Variants in ZFHX4 observed in about 807,000 individuals in gnomAD.
The protein encoded by ZFHX4 is zinc finger homeobox protein 4.
ZFHX4 carries 56 observed loss-of-function variants against 267.6 expected under a neutral mutation model. That is an observed-to-expected ratio of 0.21 (90% confidence interval 0.17 to 0.26). The LOEUF (loss-of-function observed/expected upper bound fraction) is 0.26. Among genes scored for constraint, ZFHX4 ranks in the 10% least tolerant of loss-of-function variants. The pLI is 1.00. For synonymous variants in ZFHX4, 1,778 were observed against 1,665.6 expected (o/e 1.07, Z -1.64); for missense variants, 4,332 against 4,420.0 (o/e 0.98, Z 0.56).
chr8:76,849,634 C>A lies in ZFHX4; in HGVS notation c.3768C>A (p.Ser1256Arg). 6.2e-7 allele frequency: 1 copy of A among 1,613,928 alleles called. No individual in the cohort carries two copies. Among genetic ancestry groups the A allele is most frequent in the Non-Finnish European group, 8.5e-7 (1 of 1,179,866 alleles). ...GTCCTCTCTGTCAGGACGTCCTCAG[C>A]AACAAAATGCATCTCCAACTGCATC... ...ICCPLCQDVLSNKMHLQLHLT... is the reference protein window; with the variant it reads ...ICCPLCQDVLRNKMHLQLHLT... The change falls in exon 8 of 11, where the codon AGC becomes AGA. Residue 1256 changes from serine to arginine, a missense_variant. By Grantham distance (110) the Ser-to-Arg change is moderately radical. Transcript: ENST00000651372.
chr8:76,858,698 G>A (rs566741026), intron 10 of ZFHX4, among the ~76,000 whole-genome samples: 31 of 152,202 alleles, frequency 2.0e-4, no homozygotes, highest in African/African-American at 6.5e-4. Context: ...ATTTTCTACT[G>A]TATTATCTGT....
intron 3 of ZFHX4, among the ~76,000 whole-genome samples, chr8:76,735,451 A>AT (rs1229385779): frequency 6.6e-6 from 1 of 152,064 alleles, no homozygotes; most frequent in Non-Finnish European, 1.5e-5. Flanking sequence ...AATTAGCAAT[A>AT]TTTTTTTGAT....
At chr8:76,811,227 G>T (rs141483428) in intron 4 of ZFHX4, among the ~76,000 whole-genome samples, 4 of 152,306 alleles carry the variant, frequency 2.6e-5, no homozygotes, top group Admixed American at 1.3e-4. Flanking sequence ...CCTCTGTGAG[G>T]AGAGTAGTCC....
At chr8:76,701,623 C>A (rs1808105710) in intron 1 of ZFHX4, among the ~76,000 whole-genome samples, 1 of 152,088 alleles carries the variant, frequency 6.6e-6, no homozygotes, top group Non-Finnish European at 1.5e-5. Context: ...TTATGCAATT[C>A]ATTTGAGTTG....
At chr8:76,699,736 A>C (rs1808052568) in intron 1 of ZFHX4, among the ~76,000 whole-genome samples, 1 of 150,446 alleles carries the variant, frequency 6.6e-6, no homozygotes, top group African/African-American at 2.5e-5. Context: ...ATTTGTCAGC[A>C]ACTGATGCAA....
intron 6 of ZFHX4, 24 bp downstream of exon 6, chr8:76,842,795 T>C (rs1193226942): frequency 2.0e-6 from 3 of 1,511,888 alleles, no homozygotes; most frequent in Non-Finnish European, 2.7e-6. Context: ...ATCTTTCACC[T>C]CGGCATTTCC....
intron 4 of ZFHX4, among the ~76,000 whole-genome samples, chr8:76,810,957 C>T (rs945264799): frequency 2.0e-5 from 3 of 152,154 alleles, no homozygotes; most frequent in Non-Finnish European, 4.4e-5. Context: ...TTCGCTTCCC[C>T]TCCTTGCTAA....
intron 4 of ZFHX4, among the ~76,000 whole-genome samples, chr8:76,827,601 T>C (rs987222538): frequency 2.6e-5 from 4 of 152,322 alleles, no homozygotes; most frequent in Admixed American, 2.6e-4. Context: ...AAAAACATTT[T>C]AATAAAAGCA....
At chr8:76,717,683 A>G (rs953218733) in intron 3 of ZFHX4, among the ~76,000 whole-genome samples, 4 of 152,042 alleles carry the variant, frequency 2.6e-5, no homozygotes, top group African/African-American at 9.7e-5. Flanking sequence ...TGCAGCCTTG[A>G]CCTCCTGGGC....
At chr8:76,757,122 G>A (rs886488175) in intron 3 of ZFHX4, among the ~76,000 whole-genome samples, 1 of 152,100 alleles carries the variant, frequency 6.6e-6, no homozygotes, top group Admixed American at 6.6e-5. Flanking sequence ...ACTTTATTAA[G>A]TGACACTAGA....
intron 1 of ZFHX4, chr8:76,683,149 C>T (rs939029639): frequency 6.6e-6 from 1 of 152,138 alleles, no homozygotes; most frequent in African/African-American, 2.4e-5. Flanking sequence ...CTTCTCACTT[C>T]CGCGCGGTTC....
intron 3 of ZFHX4, among the ~76,000 whole-genome samples, chr8:76,738,712 TTCTCTCTC>T (rs571087005): frequency 3.2e-5 from 4 of 123,810 alleles, no homozygotes; most frequent in Non-Finnish European, 6.9e-5. Context: ...CTCTCTCTCT[TTCTCTCTC>T]TCTCTCTCTC....
chr8:76,738,915 A>T (rs1055895116), intron 3 of ZFHX4, among the ~76,000 whole-genome samples: 1 of 151,904 alleles, frequency 6.6e-6, no homozygotes, highest in African/African-American at 2.4e-5. Flanking sequence ...GGGTTTTACC[A>T]TGTTGCCCAG....
rs1185447253 is a variant in ZFHX4 at position 76,849,718 on chromosome 8, G to C, written c.3846+6G>C. On this transcript the variant is annotated splice_donor_region_variant and intron_variant, in intron 8 of 10. Coordinates refer to ENST00000651372, the MANE Select transcript of ZFHX4 (RefSeq NM_024721.5). ...TGGAGAAGCTGCTTATGACAGTAAG[G>C]ATACCAAATATTGATGCATGTGTGA... 10 of 1,610,698 alleles carry C rather than the reference G, an allele frequency of 6.2e-6. No homozygotes were observed. Among genetic ancestry groups the C allele is most frequent in the Non-Finnish European group, 7.6e-6 (9 of 1,177,510 alleles).
intron 5 of ZFHX4, among the ~76,000 whole-genome samples, chr8:76,835,243 A>ATATATATATATATG (rs1554572186): frequency 0.28 from 29,091 of 102,620 alleles, 4,353 homozygotes; most frequent in African/African-American, 0.4. Context: ...ATATATATGT[A>ATATATATATATATG]TATATATATA....
chr8:76,723,913 G>A (rs1314488941), intron 3 of ZFHX4, among the ~76,000 whole-genome samples: 4 of 152,014 alleles, frequency 2.6e-5, no homozygotes, highest in Non-Finnish European at 4.4e-5. Context: ...AAGGTAGCCA[G>A]GGCTGGAATG....
chr8:76,685,347 A>G (rs373489561), intron 1 of ZFHX4, among the ~76,000 whole-genome samples: 3 of 152,144 alleles, frequency 2.0e-5, no homozygotes, highest in East Asian at 1.9e-4. Context: ...ATAAGTCTCA[A>G]GTCTATTAGA....
Position 76,863,320 on chromosome 8 carries a change from CAA to C in ZFHX4, c.9608_9609del (p.Lys3203ArgfsTer32). The part of the protein sequence containing the change: ...QTKPNKVKKI[K>X]EEELEATKPE... ...CTAAGCCAAACAAGGTGAAAAAAAT[CAA>C]AGAGGAGGAATTAGAGGCCACCAAA... On this transcript the variant is annotated frameshift_variant, in exon 11 of 11. Transcript: ENST00000651372. LOFTEE classifies it high-confidence loss of function. The C allele has an allele frequency of 6.2e-7, 1 of 1,612,990 alleles. No homozygotes were observed. The highest frequency in any genetic ancestry group is 8.5e-7 in the Non-Finnish European group (1 of 1,179,642).
chr8:76,857,214 G>A (rs973915202), intron 10 of ZFHX4, among the ~76,000 whole-genome samples: 8 of 151,786 alleles, frequency 5.3e-5, no homozygotes, highest in South Asian at 4.1e-4. Context: ...AAAATATAAC[G>A]AAAGTTATAT....
Sources: allele counts gnomAD v4.1 joint callset (sites outside exome capture counted in the v4.1 genomes callset), GRCh38; gene constraint gnomAD v4.1.1; transcripts MANE v1.5; gene names NCBI Gene and HGNC (gene_info 2026-07-23, HGNC 2026-07-21).